SLC9B2: variants seen among roughly 807,000 people sequenced by gnomAD.
SLC9B2 encodes sodium/hydrogen exchanger 9B2.
SLC9B2 carries 39 observed loss-of-function variants against 52.2 expected under a neutral mutation model. That is an observed-to-expected ratio of 0.75 (90% CI 0.58 to 0.98). The LOEUF is 0.98. Ranked by LOEUF, SLC9B2 falls within the 50% of genes least tolerant of loss-of-function variation. SLC9B2 has a pLI of 0.00. For missense variants in SLC9B2, 626 were observed against 637.5 expected, an observed-to-expected ratio of 0.98 and a Z score of 0.19; for synonymous variants, 214 against 227.0, an observed-to-expected ratio of 0.94 and a Z score of 0.51.
chr4:103,038,755 A>G (rs890328523), intron 9 of SLC9B2, among the ~76,000 whole-genome samples: 6 of 152,218 alleles, frequency 3.9e-5, no homozygotes, highest in Admixed American at 2.6e-4. Context: ...TTTAAGATTC[A>G]GAAAATCCAA....
At chr4:103,050,403 A>AT in intron 4 of SLC9B2, 21 bp from the exon 5 acceptor site, 4 of 1,548,018 alleles carry the variant, frequency 2.6e-6, no homozygotes, top group Non-Finnish European at 3.5e-6. Flanking sequence ...GAAATCAAAC[A>AT]TATCTAGTTA....
intron 9 of SLC9B2, among the ~76,000 whole-genome samples, chr4:103,032,225 T>A (rs1235971146): frequency 6.6e-6 from 1 of 152,154 alleles, no homozygotes; most frequent in East Asian, 1.9e-4. Flanking sequence ...TATCTAGATA[T>A]GCCCCTATTA....
chr4:103,045,693 C>G (rs1187856518), intron 7 of SLC9B2, among the ~76,000 whole-genome samples: 1 of 152,018 alleles, frequency 6.6e-6, no homozygotes, highest in Non-Finnish European at 1.5e-5. Flanking sequence ...TATGAAAACC[C>G]CACTGCCTCT....
At chr4:103,064,065 C>G (rs1578478285) in intron 3 of SLC9B2, among the ~76,000 whole-genome samples, 1 of 152,118 alleles carries the variant, frequency 6.6e-6, no homozygotes, top group African/African-American at 2.4e-5. Flanking sequence ...ATTAATACCA[C>G]TATTATGGAA....
chr4:103,045,617 T>TG (rs900816374), intron 7 of SLC9B2, among the ~76,000 whole-genome samples: 3 of 143,996 alleles, frequency 2.1e-5, no homozygotes, highest in Non-Finnish European at 3.0e-5. Context: ...ACGTAGTTGG[T>TG]GGGGGGGTGG....
At chr4:103,042,312 G>A (rs989774655) in intron 9 of SLC9B2, 3 of 151,984 alleles carry the variant, frequency 2.0e-5, no homozygotes, top group African/African-American at 7.2e-5. Context: ...TGATATAGCT[G>A]CATTTATTTT....
chr4:103,028,630 C>G, intron 11 of SLC9B2, 117 bp downstream of exon 11: 1 of 1,271,838 alleles, frequency 7.9e-7, no homozygotes, highest in Non-Finnish European at 1.1e-6. Flanking sequence ...AAACTCTTTT[C>G]ATAAATCCAC....
intron 4 of SLC9B2, among the ~76,000 whole-genome samples, chr4:103,052,752 GC>G (rs1300416206): frequency 6.7e-6 from 1 of 148,416 alleles, no homozygotes; most frequent in Non-Finnish European, 1.5e-5. Flanking sequence ...TTGATATGTT[GC>G]CCAGGTTGGT....
intron 9 of SLC9B2, among the ~76,000 whole-genome samples, chr4:103,035,182 T>C (rs1157549314): frequency 2.0e-5 from 3 of 152,148 alleles, no homozygotes; most frequent in African/African-American, 7.2e-5. Context: ...TTCTCCTCTA[T>C]GTGTCCATGT....
At position 103,024,121 on chromosome 4, in the gene SLC9B2, A is replaced by G. The variant is rs1227650825; in HGVS notation, c.*2249T>C. Among the ~76,000 whole-genome samples the G allele has an allele frequency of 6.6e-6, 1 of 152,168 alleles. No homozygotes were observed. Among genetic ancestry groups the G allele is most frequent in the Non-Finnish European group, 1.5e-5 (1 of 68,030 alleles). On this transcript the variant is annotated 3_prime_UTR_variant, in exon 12 of 12. Transcript: ENST00000394785. ...CTGTAGTTCCTGCATAATAGCACTT[A>G]TCATATTGTTTTGCAATGTCTTGTT...
At chr4:103,021,759 T>G (rs1342778472), downstream of SLC9B2, among the ~76,000 whole-genome samples, 1 of 152,254 alleles carries the variant, frequency 6.6e-6, no homozygotes, top group Non-Finnish European at 1.5e-5. Flanking sequence ...CTTTCTTTTC[T>G]AGTCTTATCT....
At position 103,076,231 on chromosome 4, in the gene SLC9B2, A is replaced by C. The variant is rs1035728917; in HGVS notation, c.-90T>G. ...ACCAGGCTCCGTCTGAACGATTAGG[A>C]AAGGGGCTGTGGGGGAGGCGGCGGA... is the stretch of plus-strand genomic sequence containing the variant. On this transcript the variant is annotated 5_prime_UTR_variant, in exon 1 of 12. Coordinates refer to ENST00000394785, the MANE Select transcript of SLC9B2 (RefSeq NM_178833.7). 3.3e-5 allele frequency: 5 copies of C among 152,538 alleles called. No individual in the cohort carries two copies. Among genetic ancestry groups the C allele is most frequent in the African/African-American group, 1.2e-4 (5 of 41,474 alleles). The allele number at this position is 152,538 out of a possible 1,614,324, so 9.4% of individuals were successfully genotyped here. A position where few individuals can be genotyped will look rare whatever the true frequency, so the allele number is the denominator to read the frequency against.
At chr4:103,056,801 A>T (rs565404075) in intron 4 of SLC9B2, among the ~76,000 whole-genome samples, 2 of 152,240 alleles carry the variant, frequency 1.3e-5, no homozygotes, top group South Asian at 4.1e-4. Flanking sequence ...CAGTTCTACC[A>T]AGATTTGACA....
At chr4:103,050,612 T>G (rs559330925) in intron 4 of SLC9B2, among the ~76,000 whole-genome samples, 1 of 152,292 alleles carries the variant, frequency 6.6e-6, no homozygotes, top group East Asian at 1.9e-4. Flanking sequence ...TAACTGAACT[T>G]AAAAGGGAGA....
chr4:103,063,673 C>T (rs1202697384), intron 3 of SLC9B2, among the ~76,000 whole-genome samples: 1 of 152,144 alleles, frequency 6.6e-6, no homozygotes, highest in East Asian at 1.9e-4. Flanking sequence ...AAAATATAGG[C>T]AACAAAAGCA....
intron 1 of SLC9B2, 140 bp from the exon 2 acceptor site, chr4:103,067,732 G>A (rs1333886495): frequency 3.5e-6 from 2 of 570,914 alleles, no homozygotes; most frequent in Non-Finnish European, 6.2e-6. Flanking sequence ...ATTTTCAATG[G>A]CTGGTTATTG....
At chr4:103,041,460 CAG>C (rs1431372721) in intron 9 of SLC9B2, among the ~76,000 whole-genome samples, 6 of 152,146 alleles carry the variant, frequency 3.9e-5, no homozygotes, top group Admixed American at 6.5e-5. Flanking sequence ...CTCTGAATAA[CAG>C]TGTAATCGGA....
At chr4:103,069,566 A>G (rs1560562264) in intron 1 of SLC9B2, among the ~76,000 whole-genome samples, 1 of 152,210 alleles carries the variant, frequency 6.6e-6, no homozygotes, top group South Asian at 2.1e-4. Flanking sequence ...TCATAAGAAG[A>G]ATCTTTAAGA....
In SLC9B2 at chr4:103,026,393, C is replaced by T; in HGVS notation, c.1591G>A (p.Gly531Arg). The T allele has an allele frequency of 6.2e-7, 1 of 1,613,130 alleles. No homozygotes were observed. Among genetic ancestry groups the T allele is most frequent in the Non-Finnish European group, 8.5e-7 (1 of 1,179,416 alleles). Residue 531 changes from glycine to arginine, a missense_variant, in exon 12 of 12, where the codon GGA (glycine) becomes AGA (arginine). By Grantham distance (125) the Gly-to-Arg change is moderately radical (BLOSUM62 -2). Transcript: ENST00000394785. ...EHQNKDEEVQGETSVQV is the reference protein window; with the variant it reads ...EHQNKDEEVQRETSVQV ...CTCTAAACTTGCACAGAAGTCTCTC[C>T]TTGAACTTCTTCATCTTTATTTTGA...
Sources: gnomAD v4.1 joint callset for allele counts (sites outside exome capture counted in the v4.1 genomes callset) on GRCh38, gnomAD v4.1.1 for gene constraint, MANE v1.5 for transcripts, NCBI Gene and HGNC (gene_info 2026-07-23, HGNC 2026-07-21) for gene names.